Variants in WDR41 observed in about 807,000 individuals in gnomAD.
The protein encoded by WDR41 is WD repeat-containing protein 41.
WDR41 carries 63 observed loss-of-function variants against 69.3 expected under a neutral mutation model. That is an observed-to-expected ratio of 0.91 (90% CI 0.74 to 1.12). WDR41 has a LOEUF of 1.12. Among genes scored for constraint, WDR41 ranks in the 50% most tolerant of loss-of-function variants. WDR41 has a pLI of 0.00. For synonymous variants in WDR41, 185 were observed against 192.1 expected, an observed-to-expected ratio of 0.96 and a Z score of 0.31; for missense variants, 543 against 534.5, an observed-to-expected ratio of 1.02 and a Z score of -0.16.
chr5:77,609,590 G>A (rs1296044864), intron 1 of WDR41, among the ~76,000 whole-genome samples: 1 of 152,198 alleles, frequency 6.6e-6, no homozygotes, highest in Non-Finnish European at 1.5e-5. Context: ...ACCTACAGCT[G>A]ACAGTCCTGT....
At chr5:77,450,077 G>C (rs1799563811) in intron 7 of WDR41, among the ~76,000 whole-genome samples, 1 of 152,168 alleles carries the variant, frequency 6.6e-6, no homozygotes, top group African/African-American at 2.4e-5. Flanking sequence ...AACCCATACT[G>C]AATGTGTCCT....
intron 1 of WDR41, among the ~76,000 whole-genome samples, chr5:77,507,882 T>C (rs544143462): frequency 2.6e-5 from 4 of 152,320 alleles, no homozygotes; most frequent in East Asian, 1.9e-4. Context: ...ACTGCATGTA[T>C]GCTGGTGTGC....
intron 8 of WDR41, among the ~76,000 whole-genome samples, chr5:77,445,988 CTGTT>C (rs776862566): frequency 2.5e-4 from 38 of 152,278 alleles, no homozygotes; most frequent in Non-Finnish European, 4.3e-4. Flanking sequence ...CAAATTGTCT[CTGTT>C]TGCAGATGAC....
chr5:77,530,211 A>C (rs868654259), intron 1 of WDR41, among the ~76,000 whole-genome samples: 3 of 151,700 alleles, frequency 2.0e-5, no homozygotes, highest in Non-Finnish European at 4.4e-5. Flanking sequence ...CAAAACTCTC[A>C]TTCATTTTTG....
Position 77,498,639 on chromosome 5 carries a change from C to A in WDR41, c.43-9067G>T, listed in dbSNP as rs879394704. ...TTCAAGACCAGATTGGGCAACATAG[C>A]GAGACCTCATATCTATAAAAAGTTT... On this transcript the variant is annotated intron_variant, in intron 1 of 5. Coordinates refer to the WDR41 transcript ENST00000509971. Among the ~76,000 whole-genome samples, 4 of 151,816 alleles carry A rather than the reference C, an allele frequency of 2.6e-5. No homozygotes were observed. The East Asian group carries it at 7.8e-4, about 29-fold the overall frequency.
chr5:77,535,403 C>A (rs1742954483), intron 1 of WDR41, among the ~76,000 whole-genome samples: 1 of 152,100 alleles, frequency 6.6e-6, no homozygotes, highest in African/African-American at 2.4e-5. Context: ...CTTAAGGTAA[C>A]AACAAAACTT....
At chr5:77,582,014 A>T (rs910462749) in intron 1 of WDR41, among the ~76,000 whole-genome samples, 1 of 140,192 alleles carries the variant, frequency 7.1e-6, no homozygotes, top group Admixed American at 7.3e-5. Flanking sequence ...AAATGAAACA[A>T]TTTTTTTAAT....
chr5:77,603,830 T>C (rs1028873786), intron 1 of WDR41, among the ~76,000 whole-genome samples: 1 of 152,160 alleles, frequency 6.6e-6, no homozygotes, highest in African/African-American at 2.4e-5. Context: ...TTGAAGAGGG[T>C]GTCCTTTCCC....
At chr5:77,479,990 A>C (rs1801146166) in intron 2 of WDR41, 2 of 152,126 alleles carry the variant, frequency 1.3e-5, no homozygotes, top group African/African-American at 2.4e-5. Flanking sequence ...AAAAACAAAC[A>C]ACCACATCAA....
intron 1 of WDR41, among the ~76,000 whole-genome samples, chr5:77,523,175 G>A (rs993378906): frequency 2.2e-4 from 33 of 151,838 alleles, no homozygotes; most frequent in African/African-American, 7.3e-4. Flanking sequence ...TTAGCTTGGC[G>A]TGATGGTGCA....
chr5:77,501,744 G>A (rs1319196405), intron 1 of WDR41, among the ~76,000 whole-genome samples: 6 of 152,118 alleles, frequency 3.9e-5, no homozygotes, highest in African/African-American at 1.4e-4. Flanking sequence ...GGCAAACAGG[G>A]TCTGGAGTGG....
intron 1 of WDR41, chr5:77,582,317 A>T: frequency 6.7e-7 from 1 of 1,491,624 alleles, no homozygotes. Context: ...ATAGATATAT[A>T]ACAAGTTAAC....
intron 1 of WDR41, among the ~76,000 whole-genome samples, chr5:77,509,333 C>G (rs563285759): frequency 5.5e-4 from 83 of 152,100 alleles, no homozygotes; most frequent in Middle Eastern, 6.8e-3. Context: ...TTTGAATTCC[C>G]TGAAATGAAG....
intron 1 of WDR41, among the ~76,000 whole-genome samples, chr5:77,616,753 C>T (rs1744687754): frequency 6.6e-6 from 1 of 152,100 alleles, no homozygotes; most frequent in Non-Finnish European, 1.5e-5. Context: ...GATAAAAAGC[C>T]TTCTTTGGTT....
At chr5:77,492,033 A>G in intron 1 of WDR41, 137 bp downstream of exon 1, 1 of 1,119,710 alleles carries the variant, frequency 8.9e-7, no homozygotes, top group Non-Finnish European at 1.3e-6. Context: ...TCGTGAGAAC[A>G]GCGCGTGGCA....
chr5:77,436,284 T>C lies in WDR41; in HGVS notation c.1204A>G (p.Ile402Val), dbSNP rs757414383. 4.5e-5 allele frequency: 73 copies of C among 1,613,916 alleles called. No homozygotes were observed. Among genetic ancestry groups the C allele is most frequent in the Non-Finnish European group, 5.9e-5 (70 of 1,179,958 alleles). ...ACCTCCACAGATGATGAGTGTCCAA[T>C]CAAATCTCCAATAAGCTCCAGTGAA... ...SCSLELIGDL[I>V]GHSSSVEMFL... The change falls in exon 12 of 13, where the codon ATT becomes GTT. Residue 402 changes from isoleucine (I) to valine (V), a missense_variant. Transcript: ENST00000296679.
In WDR41 at chr5:77,431,257, CACAGCCACCCCAACCT is replaced by C. The variant is rs1398486574; in HGVS notation, c.*1862_*1877del. 1 of 152,396 alleles carries C rather than the reference CACAGCCACCCCAACCT, an allele frequency of 6.6e-6. No homozygotes were observed. Among genetic ancestry groups the C allele is most frequent in the Non-Finnish European group, 1.5e-5 (1 of 68,062 alleles). 9.4% of individuals were successfully genotyped at this position (152,396 alleles called of 1,614,324 possible). On this transcript the variant is annotated 3_prime_UTR_variant, in exon 13 of 13. Transcript: ENST00000296679. Reference sequence around the variant, plus strand: ...TCGCTATCTTATTTTAAGGAACTGCCACAGCCACCCCAACCTTCAGTAACCACCTTAGTCAACAGCC... The same window carrying C: ...TCGCTATCTTATTTTAAGGAACTGCCTCAGTAACCACCTTAGTCAACAGCC...
chr5:77,568,698 C>A (rs1041534928), intron 1 of WDR41, among the ~76,000 whole-genome samples: 3 of 152,080 alleles, frequency 2.0e-5, no homozygotes, highest in African/African-American at 7.2e-5. Flanking sequence ...CATGGAAACA[C>A]AAGAATTATT....
chr5:77,606,934 G>A (rs778603740), intron 1 of WDR41, among the ~76,000 whole-genome samples: 32 of 146,870 alleles, frequency 2.2e-4, no homozygotes, highest in Admixed American at 1.7e-3. Flanking sequence ...CACTTTGCCA[G>A]TAACTCAAGA....
Sources: allele counts gnomAD v4.1 joint callset (sites outside exome capture counted in the v4.1 genomes callset), GRCh38; gene constraint gnomAD v4.1.1; transcripts MANE v1.5; gene names NCBI Gene and HGNC (gene_info 2026-07-23, HGNC 2026-07-21).